The following PCDHA1 variants were observed in gnomAD, a reference collection of about 807,000 sequenced individuals.
PCDHA1 encodes protocadherin alpha-1.
In PCDHA1, 42 loss-of-function variants were observed where a neutral mutation model predicts 61.3. The observed-to-expected ratio is 0.69, with a 90% CI of 0.54 to 0.89. The LOEUF (loss-of-function observed/expected upper bound fraction) is 0.89. Ranked by LOEUF, PCDHA1 falls within the 40% of genes least tolerant of loss-of-function variation. The probability of loss-of-function intolerance (pLI) is 0.00; values close to 1 mark genes in which losing one functional copy is unlikely to be tolerated. For synonymous variants in PCDHA1, 610 were observed against 553.8 expected (o/e 1.10, Z -1.43); for missense variants, 1,256 against 1,235.3 (o/e 1.02, Z -0.25).
chr5:140,786,527 G>C lies in PCDHA1; in HGVS notation c.237G>C (p.Leu79=), dbSNP rs782363035. 1 of 1,614,158 alleles carries C rather than the reference G, an allele frequency of 6.2e-7. No homozygotes were observed. Among genetic ancestry groups the C allele is most frequent in the Non-Finnish European group, 8.5e-7 (1 of 1,180,052 alleles). The change falls in exon 1 of 4, where the codon CTG becomes CTC. Residue 79 remains leucine, a synonymous_variant. Transcript: ENST00000504120. ...ACAGGGACCTTCTGGAGGTAAATCT[G>C]CAGAATGGCATTTTGTTTGTGAATT... ...KTHRDLLEVN[L]QNGILFVNSR...
chr5:140,884,327 G>A (rs1400364790), intron 1 of PCDHA1: 1 of 1,613,894 alleles, frequency 6.2e-7, no homozygotes, highest in Non-Finnish European at 8.5e-7. Context: ...GGCAGGCGCT[G>A]TGGGTCCAGA....
Position 140,928,819 on chromosome 5 carries a change from G to A in PCDHA1, c.2395-50130G>A, listed in dbSNP as rs1464149149. On this transcript the variant is annotated intron_variant, in intron 1 of 3. Coordinates refer to ENST00000504120, the MANE Select transcript of PCDHA1 (RefSeq NM_018900.4). ...GGTGGTAGTGGTTCGGGACCATGGAGACCCACCACTTTCCTCCTCTGTCAC... is the reference window on the plus strand; with the variant it reads ...GGTGGTAGTGGTTCGGGACCATGGAAACCCACCACTTTCCTCCTCTGTCAC... 8 of 1,614,024 alleles carry A rather than the reference G, an allele frequency of 5.0e-6. No homozygotes were observed. In the Admixed American group the frequency reaches 1.0e-4, roughly 20 times the overall value.
intron 1 of PCDHA1, among the ~76,000 whole-genome samples, chr5:140,918,826 C>T (rs200767772): frequency 2.0e-5 from 3 of 149,724 alleles, no homozygotes; most frequent in African/African-American, 7.4e-5. Flanking sequence ...AAGTGGCCCC[C>T]TCCCCAGACA....
intron 1 of PCDHA1, among the ~76,000 whole-genome samples, chr5:140,942,855 A>G (rs1323763970): frequency 6.6e-6 from 1 of 152,110 alleles, no homozygotes; most frequent in African/African-American, 2.4e-5. Flanking sequence ...TAAGATGATT[A>G]TTTTGCTTTA....
intron 1 of PCDHA1, among the ~76,000 whole-genome samples, chr5:140,925,197 A>G (rs1259349657): frequency 1.3e-5 from 2 of 152,310 alleles, no homozygotes; most frequent in East Asian, 3.9e-4. Context: ...CCCAGCTTCA[A>G]TAATTATCGA....
intron 1 of PCDHA1, chr5:140,811,615 A>C (rs552512515): frequency 1.3e-5 from 2 of 152,228 alleles, no homozygotes; most frequent in African/African-American, 4.8e-5. Flanking sequence ...CACTCCCACC[A>C]ACGGTGTAAA....
chr5:140,850,353 A>G, intron 1 of PCDHA1: 1 of 1,597,852 alleles, frequency 6.3e-7, no homozygotes, highest in Non-Finnish European at 8.6e-7. Context: ...CAGCGCGAGC[A>G]TCCCGTTCCG....
intron 1 of PCDHA1, chr5:140,803,435 G>A (rs150112751): frequency 1.2e-4 from 195 of 1,614,210 alleles, no homozygotes; most frequent in African/African-American, 8.1e-4. Context: ...GCGCGGTGGG[G>A]AGCTGGTCAT....
rs1325390456 is a variant in PCDHA1, at chr5:140,928,073, A to G, written c.2395-50876A>G. 8.7e-6 allele frequency: 14 copies of G among 1,614,066 alleles called. No homozygotes were observed. The highest frequency in any genetic ancestry group is 8.0e-5 in the African/African-American group (6 of 74,934). On this transcript the variant is annotated intron_variant, in intron 1 of 3. Coordinates refer to ENST00000504120, the MANE Select transcript of PCDHA1 (RefSeq NM_018900.4). ...CAGCTGACGGCTTCCTTTGACAACTACTACAGCCTGCTGATTGATGGGCCC... is the reference window on the plus strand; with the variant it reads ...CAGCTGACGGCTTCCTTTGACAACTGCTACAGCCTGCTGATTGATGGGCCC...
intron 1 of PCDHA1, among the ~76,000 whole-genome samples, chr5:140,958,215 T>G (rs1554223379): frequency 6.6e-6 from 1 of 152,132 alleles, no homozygotes; most frequent in Non-Finnish European, 1.5e-5. Context: ...GAATTAGATT[T>G]TAAAGGACTT....
chr5:140,883,852 G>A (rs1554180292), intron 1 of PCDHA1: 1 of 1,612,972 alleles, frequency 6.2e-7, no homozygotes. Flanking sequence ...ACGAGGAGCT[G>A]GAGCTGTTGC....
At chr5:140,853,785 C>A in intron 1 of PCDHA1, 1 of 987,514 alleles carries the variant, frequency 1.0e-6, no homozygotes. Flanking sequence ...GTAGTAAGAG[C>A]AAATTTTCAT....
chr5:140,817,019 TGAGA>T (rs1392520193), intron 1 of PCDHA1: 18 of 152,026 alleles, frequency 1.2e-4, no homozygotes, highest in African/African-American at 4.1e-4. Context: ...CTTTCCCTCA[TGAGA>T]GAGAGAGTGC....
chr5:140,958,385 A>C (rs2095421525), intron 1 of PCDHA1, among the ~76,000 whole-genome samples: 1 of 152,206 alleles, frequency 6.6e-6, no homozygotes, highest in African/African-American at 2.4e-5. Flanking sequence ...TTTTCTTAAC[A>C]GGTCATCAAA....
Position 140,928,772 on chromosome 5 carries a change from C to T in PCDHA1, c.2395-50177C>T, listed in dbSNP as rs1554206297. The stretch of plus-strand genomic sequence containing the variant: ...CGTACTGCTCGCTTAGTTCTTCCCA[C>T]TGATGCAGTTAAGCAGAGGGTGGTG... On this transcript the variant is annotated intron_variant, in intron 1 of 3. Coordinates refer to ENST00000504120, the MANE Select transcript of PCDHA1 (RefSeq NM_018900.4). The T allele has an allele frequency of 2.5e-6, 4 of 1,614,054 alleles. No individual in the cohort carries two copies. The East Asian group carries it at 6.7e-5, about 27-fold the overall frequency.
chr5:140,801,412 G>C (rs149543626), intron 1 of PCDHA1: 2 of 1,613,684 alleles, frequency 1.2e-6, no homozygotes, highest in Non-Finnish European at 1.7e-6. Context: ...AAAAGACACG[G>C]GGACCTTCTG....
intron 3 of PCDHA1, among the ~76,000 whole-genome samples, chr5:140,993,956 C>T (rs2097588909): frequency 6.6e-6 from 1 of 152,140 alleles, no homozygotes; most frequent in Admixed American, 6.5e-5. Flanking sequence ...TGATACATGA[C>T]TGTAGTCATC....
chr5:140,938,148 A>G (rs563866654), intron 1 of PCDHA1, among the ~76,000 whole-genome samples: 1 of 152,284 alleles, frequency 6.6e-6, no homozygotes, highest in African/African-American at 2.4e-5. Context: ...GTCTCACTAC[A>G]TTGCCCAGGC....
At position 140,835,844 on chromosome 5, in the gene PCDHA1, C is replaced by T. The variant is rs2150246309; in HGVS notation, c.2394+47160C>T. The T allele has an allele frequency of 8.1e-6, 13 of 1,612,362 alleles. No homozygotes were observed. The Admixed American group carries it at 1.0e-4, about 12-fold the overall frequency. On this transcript the variant is annotated intron_variant, in intron 1 of 3. Coordinates refer to ENST00000504120, the MANE Select transcript of PCDHA1 (RefSeq NM_018900.4). Reference sequence around the variant, plus strand: ...CGGGGGACGCGGACGCGCAGAAGAACGCGCTGGTGTCCTACTCGCTGGTGG... The same window carrying T: ...CGGGGGACGCGGACGCGCAGAAGAATGCGCTGGTGTCCTACTCGCTGGTGG...
Sources: gnomAD v4.1 joint callset for allele counts (sites outside exome capture counted in the v4.1 genomes callset) on GRCh38, gnomAD v4.1.1 for gene constraint, MANE v1.5 for transcripts, NCBI Gene and HGNC (gene_info 2026-07-23, HGNC 2026-07-21) for gene names.